The following HIP1 variants were observed in gnomAD, a reference collection of about 807,000 sequenced individuals.
HIP1 encodes huntingtin-interacting protein 1.
HIP1 carries 65 observed loss-of-function variants against 147.6 expected under a neutral mutation model. The observed-to-expected ratio is 0.44, with a 90% confidence interval of 0.36 to 0.54. HIP1 has a LOEUF of 0.54. HIP1 is among the 20% of genes least tolerant of loss of function. HIP1 has a pLI of 0.00. For missense variants in HIP1, 1,061 were observed against 1,299.6 expected, an observed-to-expected ratio of 0.82 and a Z score of 2.82; for synonymous variants, 479 against 504.0, an observed-to-expected ratio of 0.95 and a Z score of 0.67.
chr7:75,708,523 T>C (rs1801069885), intron 1 of HIP1, among the ~76,000 whole-genome samples: 1 of 152,206 alleles, frequency 6.6e-6, no homozygotes, highest in Non-Finnish European at 1.5e-5. Context: ...GAGTTAATGT[T>C]TGTATATGGT....
At chr7:75,541,126 G>C (rs181935764) in intron 29 of HIP1, among the ~76,000 whole-genome samples, 252 of 151,998 alleles carry the variant, frequency 1.7e-3, no homozygotes, top group Admixed American at 4.6e-3. Flanking sequence ...AAAAGGGCCG[G>C]TGGCTCACGC....
intron 1 of HIP1, among the ~76,000 whole-genome samples, chr7:75,609,778 G>T (rs782153097): frequency 6.6e-5 from 10 of 151,670 alleles, no homozygotes; most frequent in Non-Finnish European, 1.0e-4. Context: ...GGATGGTCTC[G>T]ATCTCTTGAC....
chr7:75,626,370 A>T (rs1554508005), intron 1 of HIP1: 1 of 152,240 alleles, frequency 6.6e-6, no homozygotes, highest in African/African-American at 2.4e-5. Context: ...ATTTCACCCC[A>T]ATAGTGGAAA....
rs7792090 is a variant in HIP1 at position 75,631,503 on chromosome 7, G to T, written c.121-32256C>A. On this transcript the variant is annotated intron_variant, in intron 1 of 30. Coordinates refer to ENST00000336926, the MANE Select transcript of HIP1 (RefSeq NM_005338.7). ...CTCCCTTAATCCTCTGTGCACAGGG[G>T]ACAGGGCTGTGGAGTCTGGCTGGGA... is the stretch of plus-strand genomic sequence containing the variant. Among the ~76,000 whole-genome samples, 1,157 of 152,190 alleles carry T rather than the reference G, an allele frequency of 7.6e-3. 17 individuals carry two copies. The highest frequency in any genetic ancestry group is 0.027 in the African/African-American group (1,103 of 41,500).
chr7:75,733,255 C>T (rs144726301), intron 1 of HIP1, among the ~76,000 whole-genome samples: 3 of 152,072 alleles, frequency 2.0e-5, no homozygotes, highest in African/African-American at 7.2e-5. Context: ...ACCCTGGGCA[C>T]GTTACCAAGC....
chr7:75,581,846 G>A (rs587745337), intron 6 of HIP1, among the ~76,000 whole-genome samples: 1 of 152,176 alleles, frequency 6.6e-6, no homozygotes, highest in African/African-American at 2.4e-5. Context: ...GGAGTCAGAG[G>A]GCAGAAAGCG....
intron 1 of HIP1, among the ~76,000 whole-genome samples, chr7:75,616,849 T>C (rs116595021): frequency 6.6e-6 from 1 of 152,276 alleles, no homozygotes; most frequent in African/African-American, 2.4e-5. Flanking sequence ...GGGAGGTATA[T>C]GTCAGGCACA....
chr7:75,614,609 C>T (rs184205359), intron 1 of HIP1, among the ~76,000 whole-genome samples: 29 of 152,108 alleles, frequency 1.9e-4, no homozygotes, highest in South Asian at 8.3e-4. Flanking sequence ...GTTTCCTTTA[C>T]GGATAGTGAA....
At chr7:75,582,685 C>G (rs782465884) in intron 5 of HIP1, among the ~76,000 whole-genome samples, 4 of 152,180 alleles carry the variant, frequency 2.6e-5, no homozygotes. Context: ...TGGTGCACGC[C>G]TGTAGTCCCA....
At chr7:75,648,247 A>C (rs1554511384) in intron 1 of HIP1, among the ~76,000 whole-genome samples, 1 of 151,232 alleles carries the variant, frequency 6.6e-6, no homozygotes, top group Admixed American at 6.6e-5. Context: ...GGAGTAGCTG[A>C]AGCTGGTTGG....
chr7:75,622,469 G>C (rs1178362199), intron 1 of HIP1, among the ~76,000 whole-genome samples: 2 of 152,008 alleles, frequency 1.3e-5, no homozygotes, highest in Admixed American at 1.3e-4. Flanking sequence ...GGGAGTCCAA[G>C]GAAGGAGGAT....
intron 16 of HIP1, among the ~76,000 whole-genome samples, chr7:75,557,391 G>A (rs1795055720): frequency 6.6e-6 from 1 of 151,816 alleles, no homozygotes; most frequent in South Asian, 2.1e-4. Context: ...CCACCCATGT[G>A]TTTTCCTTTC....
chr7:75,701,855 C>T (rs1160420547), intron 1 of HIP1, among the ~76,000 whole-genome samples: 1 of 152,070 alleles, frequency 6.6e-6, no homozygotes, highest in Non-Finnish European at 1.5e-5. Context: ...CCTATTGCAA[C>T]AACAATAACA....
At chr7:75,567,790 C>T (rs1190559803) in intron 9 of HIP1, among the ~76,000 whole-genome samples, 2 of 146,516 alleles carry the variant, frequency 1.4e-5, no homozygotes, top group African/African-American at 2.8e-5. Flanking sequence ...CCGAAGATAA[C>T]CTCACGCCCA....
Position 75,555,565 on chromosome 7 carries a change from A to C in HIP1, c.1828-14T>G. On this transcript the variant is annotated splice_polypyrimidine_tract_variant and intron_variant, in intron 18 of 30. Coordinates refer to ENST00000336926, the MANE Select transcript of HIP1 (RefSeq NM_005338.7). ...GCACATAGATTCCTAAAAATGGTCC[A>C]GGGAGGTGAGAGTCTGCCCTAGACT... 1.9e-6 allele frequency: 3 copies of C among 1,613,980 alleles called. No homozygotes were observed. Among genetic ancestry groups the C allele is most frequent in the Middle Eastern group, 1.7e-4 (1 of 6,058 alleles).
chr7:75,616,415 G>A (rs1797663931), intron 1 of HIP1, among the ~76,000 whole-genome samples: 1 of 152,046 alleles, frequency 6.6e-6, no homozygotes, highest in African/African-American at 2.4e-5. Flanking sequence ...GCCTACAGGT[G>A]CGCACCACCA....
intron 9 of HIP1, among the ~76,000 whole-genome samples, chr7:75,566,723 G>T (rs1265117427): frequency 6.6e-6 from 1 of 151,366 alleles, no homozygotes; most frequent in Non-Finnish European, 1.5e-5. Context: ...TATTTGTAGG[G>T]TATCAACCAA....
chr7:75,661,777 C>G (rs1301039724), intron 1 of HIP1, among the ~76,000 whole-genome samples: 1 of 151,568 alleles, frequency 6.6e-6, no homozygotes, highest in Non-Finnish European at 1.5e-5. Flanking sequence ...AGGCCTAAGT[C>G]CAAATGTGTG....
intron 5 of HIP1, among the ~76,000 whole-genome samples, chr7:75,584,031 G>C (rs887863715): frequency 1.8e-4 from 27 of 151,038 alleles, no homozygotes; most frequent in Admixed American, 2.6e-4. Context: ...CATGATCTCA[G>C]CTCACTGCAA....
Sources: gnomAD v4.1 joint callset for allele counts (sites outside exome capture counted in the v4.1 genomes callset) on GRCh38, gnomAD v4.1.1 for gene constraint, MANE v1.5 for transcripts, NCBI Gene and HGNC (gene_info 2026-07-23, HGNC 2026-07-21) for gene names.